Variants in HS3ST5 observed in about 807,000 individuals in gnomAD.
HS3ST5 encodes heparan sulfate glucosamine 3-O-sulfotransferase 5.
A neutral mutation model predicts 25.4 loss-of-function variants in HS3ST5; 10 were observed. The ratio of observed to expected loss-of-function variants is 0.39; its 90% CI spans 0.24 to 0.67. HS3ST5 has a LOEUF of 0.67. Ranked by LOEUF, HS3ST5 falls within the 30% of genes least tolerant of loss-of-function variation. The pLI is 0.44. For missense variants in HS3ST5, 324 were observed against 420.7 expected, an observed-to-expected ratio of 0.77 and a Z score of 2.01; for synonymous variants, 170 against 162.4, an observed-to-expected ratio of 1.05 and a Z score of -0.36.
chr6:114,209,060 A>C (rs1030668141), intron 2 of HS3ST5, among the ~76,000 whole-genome samples: 1 of 152,186 alleles, frequency 6.6e-6, no homozygotes. Flanking sequence ...ATTTTAGTTT[A>C]GTTAAATTGG....
chr6:114,112,142 G>A (rs1272736876), intron 3 of HS3ST5, among the ~76,000 whole-genome samples: 1 of 152,176 alleles, frequency 6.6e-6, no homozygotes, highest in East Asian at 1.9e-4. Flanking sequence ...GATGCCACGA[G>A]CTAATCCCTG....
chr6:114,128,260 G>C (rs1056879785), intron 3 of HS3ST5, among the ~76,000 whole-genome samples: 2 of 152,038 alleles, frequency 1.3e-5, no homozygotes, highest in Non-Finnish European at 2.9e-5. Context: ...TTTGTATGCT[G>C]CGTTTTTGTT....
intron 2 of HS3ST5, among the ~76,000 whole-genome samples, chr6:114,214,901 C>A (rs922885849): frequency 1.3e-5 from 2 of 152,148 alleles, no homozygotes; most frequent in African/African-American, 4.8e-5. Flanking sequence ...TACCAATAGA[C>A]CTCATGTATC....
rs1158636349 is a variant in HS3ST5 at position 114,089,466 on chromosome 6, C to T, written c.-32-26589G>A. ...ATCCCCTATCCTTTCGTGTCCTGGTCCCTTTCATACATTTATTTGTTGCTT... is the reference window on the plus strand; with the variant it reads ...ATCCCCTATCCTTTCGTGTCCTGGTTCCTTTCATACATTTATTTGTTGCTT... On this transcript the variant is annotated intron_variant, in intron 3 of 4. Coordinates refer to ENST00000312719, the MANE Select transcript of HS3ST5 (RefSeq NM_153612.4). Among the ~76,000 whole-genome samples, 8 of 152,250 alleles carry T rather than the reference C, an allele frequency of 5.3e-5. 1 individual carries two copies. The Middle Eastern group carries it at 0.01, about 194-fold the overall frequency.
intron 3 of HS3ST5, among the ~76,000 whole-genome samples, chr6:114,087,992 A>AGCACAGCTTG (rs1774926748): frequency 6.6e-6 from 1 of 152,226 alleles, no homozygotes; most frequent in Non-Finnish European, 1.5e-5. Flanking sequence ...GATGTACCAA[A>AGCACAGCTTG]AGTGTTAAAT....
chr6:114,334,011 G>GT (rs1399039316), intron 1 of HS3ST5, among the ~76,000 whole-genome samples: 2 of 152,290 alleles, frequency 1.3e-5, no homozygotes, highest in East Asian at 1.9e-4. Flanking sequence ...CCTCTGCCCA[G>GT]TTTCCCCAGG....
intron 1 of HS3ST5, among the ~76,000 whole-genome samples, chr6:114,327,214 A>C (rs1476146952): frequency 2.6e-5 from 4 of 152,136 alleles, no homozygotes; most frequent in Admixed American, 6.6e-5. Flanking sequence ...GGTGGTCATA[A>C]TGTACTTGTA....
intron 1 of HS3ST5, among the ~76,000 whole-genome samples, chr6:114,312,739 T>C (rs1775581489): frequency 6.6e-6 from 1 of 151,866 alleles, no homozygotes; most frequent in Non-Finnish European, 1.5e-5. Context: ...CATCAAAGAA[T>C]ATATACTCAG....
intron 1 of HS3ST5, among the ~76,000 whole-genome samples, chr6:114,274,342 G>T (rs1310204301): frequency 2.6e-5 from 4 of 152,010 alleles, no homozygotes; most frequent in Non-Finnish European, 5.9e-5. Context: ...TGGCTTCTGG[G>T]CAGCACTAAG....
At chr6:114,316,970 A>G (rs1306337018) in intron 1 of HS3ST5, among the ~76,000 whole-genome samples, 1 of 152,206 alleles carries the variant, frequency 6.6e-6, no homozygotes, top group Non-Finnish European at 1.5e-5. Flanking sequence ...CATAGCAGTT[A>G]CACAGTTAGT....
At chr6:114,063,269 C>G (rs1442812218) in intron 3 of HS3ST5, among the ~76,000 whole-genome samples, 1 of 152,150 alleles carries the variant, frequency 6.6e-6, no homozygotes, top group African/African-American at 2.4e-5. Context: ...AATCCCATTA[C>G]TTTGGGAGGC....
chr6:114,211,663 A>C (rs1781514622), intron 2 of HS3ST5, among the ~76,000 whole-genome samples: 1 of 152,210 alleles, frequency 6.6e-6, no homozygotes, highest in South Asian at 2.1e-4. Context: ...TCAGGGAAAA[A>C]TGTATTAAAA....
chr6:114,066,558 GGGAGGC>G (rs1773459048), intron 3 of HS3ST5, among the ~76,000 whole-genome samples: 1 of 152,122 alleles, frequency 6.6e-6, no homozygotes, highest in African/African-American at 2.4e-5. Context: ...ACTTGAACCC[GGGAGGC>G]GGAGGTTGTA....
intron 3 of HS3ST5, among the ~76,000 whole-genome samples, chr6:114,110,981 T>A (rs1776237208): frequency 6.6e-6 from 1 of 152,248 alleles, no homozygotes; most frequent in South Asian, 2.1e-4. Context: ...GACCTTGGAA[T>A]ACATCATGCA....
chr6:114,147,644 A>G (rs1383092965), intron 3 of HS3ST5, among the ~76,000 whole-genome samples: 1 of 152,108 alleles, frequency 6.6e-6, no homozygotes, highest in Non-Finnish European at 1.5e-5. Context: ...ACAGTGGCAC[A>G]ATCTCAGCTC....
rs75759137 is a variant in HS3ST5 at position 114,130,096 on chromosome 6, T to C, written c.-33+38255A>G. 6.9e-3 allele frequency among the ~76,000 whole-genome samples: 1,051 copies of C among 152,326 alleles called. 10 individuals are homozygous for C. Among genetic ancestry groups the C allele is most frequent in the African/African-American group, 0.024 (1,002 of 41,574 alleles). ...GTATATAGATAACAAGCCACATCTA[T>C]TGGTTCTGTGTTGTCCAGTATGGTA... On this transcript the variant is annotated intron_variant, in intron 3 of 4. Transcript: ENST00000312719.
chr6:114,249,770 G>T (rs546305034), intron 1 of HS3ST5, among the ~76,000 whole-genome samples: 8 of 152,124 alleles, frequency 5.3e-5, no homozygotes, highest in Non-Finnish European at 1.2e-4. Flanking sequence ...TGTTACAGAT[G>T]AGCCTCTCCA....
intron 2 of HS3ST5, among the ~76,000 whole-genome samples, chr6:114,211,152 GC>G (rs2114432925): frequency 6.6e-6 from 1 of 152,242 alleles, no homozygotes; most frequent in East Asian, 1.9e-4. Flanking sequence ...TATCATATGA[GC>G]TTTTAGGCAA....
intron 1 of HS3ST5, among the ~76,000 whole-genome samples, chr6:114,337,113 A>G (rs2114935198): frequency 6.6e-6 from 1 of 152,340 alleles, no homozygotes; most frequent in East Asian, 1.9e-4. Context: ...AGGCCATTCC[A>G]TCTCATAAAA....
Sources: gnomAD v4.1 joint callset for allele counts (sites outside exome capture counted in the v4.1 genomes callset) on GRCh38, gnomAD v4.1.1 for gene constraint, MANE v1.5 for transcripts, NCBI Gene and HGNC (gene_info 2026-07-23, HGNC 2026-07-21) for gene names.